TRIM14: variants seen among roughly 807,000 people sequenced by gnomAD.
TRIM14 encodes tripartite motif containing 14.
Under a neutral mutation model 44.5 loss-of-function variants are expected in TRIM14, and 28 were observed. The ratio of observed to expected loss-of-function variants is 0.63; its 90% CI spans 0.47 to 0.86. TRIM14 has a LOEUF of 0.86. Ranked by LOEUF, TRIM14 falls within the 40% of genes least tolerant of loss-of-function variation. TRIM14 has a pLI of 0.00. For missense variants in TRIM14, 607 were observed against 611.1 expected (o/e 0.99, Z 0.07); for synonymous variants, 299 against 269.2 (o/e 1.11, Z -1.08).
the TRIM14 span, among the ~76,000 whole-genome samples, chr9:98,037,935 G>A: frequency 6.6e-6 from 1 of 152,226 alleles, no homozygotes; most frequent in Admixed American, 6.5e-5. Flanking sequence ...TCATAATGTT[G>A]CCCAGGCTGG....
the TRIM14 span, chr9:98,056,835 C>T: frequency 9.1e-6 from 14 of 1,537,238 alleles, no homozygotes; most frequent in African/African-American, 1.4e-5. Flanking sequence ...AGCTGTGTCC[C>T]GGGCGCTGGG....
intron 6 of TRIM14, among the ~76,000 whole-genome samples, chr9:98,073,149 A>C (rs1829418590): frequency 6.6e-6 from 1 of 151,900 alleles, no homozygotes; most frequent in South Asian, 2.1e-4. Context: ...CCTTCCCTCC[A>C]GCACCTGCCT....
Position 98,087,878 on chromosome 9 carries a change from C to T in TRIM14, c.921G>A (p.Ala307=), listed in dbSNP as rs1012327566. 1.9e-6 allele frequency: 3 copies of T among 1,567,342 alleles called. No individual in the cohort carries two copies. The highest frequency in any genetic ancestry group is 1.4e-5 in the African/African-American group (1 of 71,146). ...AGTCACGAGCCAGCACTTGCCAGAG[C>T]GCGTCGAACCGCAGCACGGGCACGG... ...LGPVPVLRFD[A]LWQVLARDCF... is the part of the protein sequence containing the mutation. The change falls in exon 6 of 6, where the codon GCG becomes GCA. Residue 307 remains alanine, a synonymous_variant. Transcript: ENST00000341469.
intron 4 of TRIM14, among the ~76,000 whole-genome samples, chr9:98,093,484 G>A (rs1179917974): frequency 6.6e-6 from 1 of 152,154 alleles, no homozygotes; most frequent in African/African-American, 2.4e-5. Flanking sequence ...GAAAAGGGAG[G>A]AGCCGTGTCT....
At position 98,084,372 on chromosome 9, in the gene TRIM14, C is replaced by T. The variant is rs1825687609; in HGVS notation, c.*3098G>A. 6.6e-6 allele frequency: 1 copy of T among 152,186 alleles called. No homozygotes were observed. The highest frequency in any genetic ancestry group is 6.5e-5 in the Admixed American group (1 of 15,278). 9.4% of individuals were successfully genotyped at this position (152,186 alleles called of 1,614,324 possible). ...CCATGGTTAAAAGGGACATTATTCA[C>T]ATTTTATTAAACCAAATATTAGAAA... On this transcript the variant is annotated 3_prime_UTR_variant, in exon 6 of 6. Transcript: ENST00000341469.
intron 3 of TRIM14, 138 bp downstream of exon 3, chr9:98,099,793 G>T: frequency 1.4e-6 from 1 of 711,702 alleles, no homozygotes; most frequent in Non-Finnish European, 2.4e-6. Flanking sequence ...CCTGTGTGGG[G>T]GCAAGACAGT....
chr9:98,089,085 A>G (rs1457479006), intron 5 of TRIM14, among the ~76,000 whole-genome samples: 1 of 152,208 alleles, frequency 6.6e-6, no homozygotes, highest in African/African-American at 2.4e-5. Flanking sequence ...TGAGTTTTCT[A>G]AGAAAAAGAG....
chr9:98,070,624 T>G (rs553208313), intron 6 of TRIM14, among the ~76,000 whole-genome samples: 1 of 152,114 alleles, frequency 6.6e-6, no homozygotes, highest in East Asian at 1.9e-4. Flanking sequence ...TTTTACCATT[T>G]GGCCAGGCTG....
chr9:98,071,028 G>A (rs190330803), intron 6 of TRIM14, among the ~76,000 whole-genome samples: 3 of 151,980 alleles, frequency 2.0e-5, no homozygotes, highest in East Asian at 3.9e-4. Context: ...GCCCAGGCTG[G>A]TCTTAAACTC....
At chr9:98,070,888 C>T (rs757616979) in intron 6 of TRIM14, among the ~76,000 whole-genome samples, 5 of 151,548 alleles carry the variant, frequency 3.3e-5, no homozygotes, top group Admixed American at 2.0e-4. Flanking sequence ...CATAGCTCAC[C>T]GCAGCCTTGA....
At chr9:98,038,529 T>G in the TRIM14 span, among the ~76,000 whole-genome samples, 1 of 152,242 alleles carries the variant, frequency 6.6e-6, no homozygotes, top group African/African-American at 2.4e-5. Context: ...GTTACTTTAC[T>G]GAAAATTTTT....
the TRIM14 span, among the ~76,000 whole-genome samples, chr9:98,049,338 CATAAAAAAAAAA>C: frequency 5.2e-5 from 2 of 38,558 alleles, no homozygotes; most frequent in African/African-American, 1.6e-4. Flanking sequence ...TGAGACTCTG[CATAAAAAAAAAA>C]AAAAAAAAAA....
chr9:98,046,500 G>C, the TRIM14 span, among the ~76,000 whole-genome samples: 1 of 151,718 alleles, frequency 6.6e-6, no homozygotes, highest in African/African-American at 2.4e-5. Context: ...GTAGTGCAAT[G>C]GCGTGATCTC....
chr9:98,073,669 CCT>C (rs1829455296), intron 6 of TRIM14, among the ~76,000 whole-genome samples: 1 of 152,030 alleles, frequency 6.6e-6, no homozygotes, highest in South Asian at 2.1e-4. Flanking sequence ...CAGCTCCACT[CCT>C]CTCTTTCCTT....
At chr9:98,052,742 C>G in the TRIM14 span, among the ~76,000 whole-genome samples, 1,297 of 152,282 alleles carry the variant, frequency 8.5e-3, 17 homozygotes, top group African/African-American at 0.029. Context: ...CTGATCTCAG[C>G]TGATCCACTC....
At chr9:98,061,739 C>G in the TRIM14 span, among the ~76,000 whole-genome samples, 1 of 150,580 alleles carries the variant, frequency 6.6e-6, no homozygotes, top group Non-Finnish European at 1.5e-5. Context: ...GAGATCGCGC[C>G]ACTGCACTCC....
chr9:98,072,145 T>C lies in TRIM14; in HGVS notation c.*29-2458A>G, dbSNP rs572129869. 8.9e-3 allele frequency among the ~76,000 whole-genome samples: 1,359 copies of C among 152,292 alleles called. 8 individuals carry two copies. The highest frequency in any genetic ancestry group is 0.016 in the South Asian group (75 of 4,826). On this transcript the variant is annotated intron_variant, in intron 6 of 6. Transcript: ENST00000375098. ...TGTGGCTTGGGCTCCTCATGTAACC[T>C]TGGAGCCGCAGTGGCCCCCGTCTGT...
chr9:98,098,844 G>A (rs1427120371), intron 3 of TRIM14, among the ~76,000 whole-genome samples: 1 of 151,994 alleles, frequency 6.6e-6, no homozygotes. Flanking sequence ...GGAGTGCAGT[G>A]GCATGATCTC....
At chr9:98,049,253 A>G in the TRIM14 span, among the ~76,000 whole-genome samples, 1 of 149,018 alleles carries the variant, frequency 6.7e-6, no homozygotes, top group Non-Finnish European at 1.5e-5. Flanking sequence ...GAGGCAGGAG[A>G]ATCACTTGAA....
Sources: gnomAD v4.1 joint callset for allele counts (sites outside exome capture counted in the v4.1 genomes callset) on GRCh38, gnomAD v4.1.1 for gene constraint, MANE v1.5 for transcripts, NCBI Gene and HGNC (gene_info 2026-07-23, HGNC 2026-07-21) for gene names.